The following CNTN4 variants were observed in gnomAD, a reference collection of about 807,000 sequenced individuals.
CNTN4 encodes contactin 4, also known as contactin-4.
A neutral mutation model predicts 122.5 loss-of-function variants in CNTN4; 77 were observed. The ratio of observed to expected loss-of-function variants is 0.63; its 90% CI spans 0.52 to 0.76. CNTN4 has a LOEUF of 0.76. Among genes scored for constraint, CNTN4 ranks in the 30% least tolerant of loss-of-function variants. CNTN4 has a pLI of 0.00. For missense variants in CNTN4, 1,256 were observed against 1,259.1 expected (o/e 1.00, Z 0.04); for synonymous variants, 512 against 447.0 (o/e 1.15, Z -1.83).
chr3:2,646,902 A>G (rs2083148816), intron 4 of CNTN4, among the ~76,000 whole-genome samples: 2 of 152,150 alleles, frequency 1.3e-5, no homozygotes, highest in Non-Finnish European at 2.9e-5. Context: ...TACCTCTTAA[A>G]AGGCCCTGTG....
chr3:2,485,812 A>T (rs1407251334), intron 3 of CNTN4, among the ~76,000 whole-genome samples: 1 of 152,136 alleles, frequency 6.6e-6, no homozygotes, highest in Non-Finnish European at 1.5e-5. Context: ...TGTCTAGCTC[A>T]GGGATTATAA....
chr3:2,428,247 G>C (rs562788984), intron 3 of CNTN4, among the ~76,000 whole-genome samples: 4 of 152,260 alleles, frequency 2.6e-5, no homozygotes, highest in African/African-American at 9.6e-5. Flanking sequence ...TTCTTCAGGA[G>C]CTCTTGTAAG....
chr3:2,433,653 T>G (rs938433311), intron 3 of CNTN4, among the ~76,000 whole-genome samples: 3 of 152,218 alleles, frequency 2.0e-5, no homozygotes, highest in Non-Finnish European at 4.4e-5. Flanking sequence ...TTTTTGGTTT[T>G]GTTGCCTGCG....
chr3:2,967,849 CTTT>C lies in CNTN4; in HGVS notation c.1359-20482_1359-20480del, dbSNP rs796772751. On this transcript the variant is annotated intron_variant, in intron 13 of 24. Transcript: ENST00000418658. ...ACCTACTTCAGAGGAGTTTTGTTTG[CTTT>C]TTTTTTTTTTTTTAATGACAATGAT... 2.3e-3 allele frequency among the ~76,000 whole-genome samples: 254 copies of C among 108,854 alleles called. 1 individual carries two copies. The highest frequency in any genetic ancestry group is 7.8e-3 in the African/African-American group (239 of 30,544). 71.4% of individuals were successfully genotyped at this position (108,854 alleles called of 152,430 possible). A position where few individuals can be genotyped will look rare whatever the true frequency, so the allele number is the denominator to read the frequency against.
intron 7 of CNTN4, among the ~76,000 whole-genome samples, chr3:2,857,430 A>T (rs1014692496): frequency 3.3e-5 from 5 of 152,156 alleles, no homozygotes; most frequent in Non-Finnish European, 7.4e-5. Flanking sequence ...AAAATACCAA[A>T]TTTTTAACAA....
intron 12 of CNTN4, among the ~76,000 whole-genome samples, chr3:2,923,190 G>T (rs2094444525): frequency 6.6e-6 from 1 of 152,076 alleles, no homozygotes; most frequent in Non-Finnish European, 1.5e-5. Flanking sequence ...GATGAAAAAT[G>T]TCCGCCTAAA....
intron 2 of CNTN4, among the ~76,000 whole-genome samples, chr3:2,275,613 A>G (rs575816310): frequency 1.2e-4 from 18 of 152,150 alleles, no homozygotes; most frequent in African/African-American, 3.1e-4. Flanking sequence ...TCATGTGTTT[A>G]TTTTTCTCAT....
At chr3:2,753,725 A>T (rs1187560892) in intron 6 of CNTN4, among the ~76,000 whole-genome samples, 2 of 152,242 alleles carry the variant, frequency 1.3e-5, no homozygotes, top group South Asian at 2.1e-4. Context: ...ACAAACTTGA[A>T]TTTTTTGTTG....
chr3:2,376,422 G>A (rs2045818026), intron 3 of CNTN4, among the ~76,000 whole-genome samples: 1 of 152,138 alleles, frequency 6.6e-6, no homozygotes, highest in South Asian at 2.1e-4. Context: ...GAGCACAGAA[G>A]GTGGATGACT....
At chr3:2,785,053 G>A (rs146475154) in intron 6 of CNTN4, among the ~76,000 whole-genome samples, 83 of 151,830 alleles carry the variant, frequency 5.5e-4, no homozygotes, top group Non-Finnish European at 9.0e-4. Flanking sequence ...CATTCTTCTA[G>A]TCAAAGACAT....
At chr3:2,872,397 T>C (rs1299107628) in intron 8 of CNTN4, among the ~76,000 whole-genome samples, 1 of 152,210 alleles carries the variant, frequency 6.6e-6, no homozygotes, top group Non-Finnish European at 1.5e-5. Context: ...ATTCATTGTT[T>C]AGCCTTTGCC....
intron 4 of CNTN4, among the ~76,000 whole-genome samples, chr3:2,588,308 T>C (rs2080300056): frequency 6.6e-6 from 1 of 152,140 alleles, no homozygotes; most frequent in Admixed American, 6.6e-5. Context: ...TCAGAAGAAC[T>C]CAAAGAGAAT....
chr3:2,970,828 C>T lies in CNTN4; in HGVS notation c.1359-17517C>T, dbSNP rs561612148. Reference sequence around the variant, plus strand: ...TTTGAGACCGATTCTCACTCTGTTGCCCAGGCTGGAGTGCAGTGGCGTGAT... The same window carrying T: ...TTTGAGACCGATTCTCACTCTGTTGTCCAGGCTGGAGTGCAGTGGCGTGAT... On this transcript the variant is annotated intron_variant, in intron 13 of 24. Coordinates refer to ENST00000418658, the MANE Select transcript of CNTN4 (RefSeq NM_175607.3). Among the ~76,000 whole-genome samples, 5 of 152,086 alleles carry T rather than the reference C, an allele frequency of 3.3e-5. No individual in the cohort carries two copies. The South Asian group carries it at 1.0e-3, about 32-fold the overall frequency.
At chr3:2,117,170 A>G (rs1559257204) in intron 2 of CNTN4, among the ~76,000 whole-genome samples, 1 of 152,168 alleles carries the variant, frequency 6.6e-6, no homozygotes, top group Non-Finnish European at 1.5e-5. Flanking sequence ...GCATTTCTAA[A>G]ACAGACCAGC....
intron 13 of CNTN4, among the ~76,000 whole-genome samples, chr3:2,987,680 C>T (rs1473432007): frequency 6.6e-6 from 1 of 152,166 alleles, no homozygotes; most frequent in Non-Finnish European, 1.5e-5. Flanking sequence ...AAAATTCTTC[C>T]TCTTCCAGAT....
At chr3:2,800,575 A>G (rs1235259724) in intron 6 of CNTN4, among the ~76,000 whole-genome samples, 1 of 152,184 alleles carries the variant, frequency 6.6e-6, no homozygotes, top group African/African-American at 2.4e-5. Context: ...CAGACATGTA[A>G]TAAGCAATCA....
At chr3:2,463,025 G>A (rs779215047) in intron 3 of CNTN4, among the ~76,000 whole-genome samples, 9 of 152,118 alleles carry the variant, frequency 5.9e-5, no homozygotes, top group Non-Finnish European at 1.2e-4. Flanking sequence ...TACCATATTT[G>A]AGAACCATTT....
chr3:2,616,104 C>T (rs2081719516), intron 4 of CNTN4, among the ~76,000 whole-genome samples: 1 of 151,206 alleles, frequency 6.6e-6, no homozygotes, highest in Non-Finnish European at 1.5e-5. Flanking sequence ...GCCATGGTGC[C>T]TTGCTGCACC....
intron 2 of CNTN4, among the ~76,000 whole-genome samples, chr3:2,338,183 A>C (rs12630665): frequency 6.6e-6 from 1 of 151,820 alleles, no homozygotes; most frequent in South Asian, 2.1e-4. Context: ...TATATTAGCA[A>C]TATGAAGAAT....
Sources: gnomAD v4.1 joint callset for allele counts (sites outside exome capture counted in the v4.1 genomes callset) on GRCh38, gnomAD v4.1.1 for gene constraint, MANE v1.5 for transcripts, NCBI Gene and HGNC (gene_info 2026-07-23, HGNC 2026-07-21) for gene names.